WDFY3: variants seen among roughly 807,000 people sequenced by gnomAD.
WDFY3 encodes the protein WD repeat and FYVE domain containing 3, also known as WD repeat and FYVE domain-containing protein 3.
WDFY3 carries 66 observed loss-of-function variants against 409.6 expected under a neutral mutation model. The ratio of observed to expected loss-of-function variants is 0.16; its 90% CI spans 0.13 to 0.20. WDFY3 has a LOEUF of 0.20. Among genes scored for constraint, WDFY3 ranks in the 10% least tolerant of loss-of-function variants. The pLI is 1.00. For synonymous variants in WDFY3, 1,521 were observed against 1,537.1 expected (o/e 0.99, Z 0.25); for missense variants, 3,031 against 4,298.1 (o/e 0.71, Z 8.24).
intron 5 of WDFY3, among the ~76,000 whole-genome samples, chr4:84,845,370 T>C (rs191025855): frequency 1.1e-4 from 17 of 152,248 alleles, no homozygotes; most frequent in Admixed American, 1.1e-3. Context: ...TCTAAAGTAG[T>C]CCAACTTACA....
chr4:84,806,985 C>T (rs1465564354), intron 15 of WDFY3, among the ~76,000 whole-genome samples: 1 of 152,078 alleles, frequency 6.6e-6, no homozygotes, highest in Non-Finnish European at 1.5e-5. Context: ...TTAAAAAGGA[C>T]TAAATGTTTT....
intron 39 of WDFY3, among the ~76,000 whole-genome samples, chr4:84,739,771 G>A (rs1011537136): frequency 1.3e-5 from 2 of 152,116 alleles, no homozygotes; most frequent in Admixed American, 1.3e-4. Context: ...TTTTGTCCCA[G>A]CCCCTAATTC....
At chr4:84,847,562 A>C (rs6857555) in intron 5 of WDFY3, among the ~76,000 whole-genome samples, 60,419 of 145,762 alleles carry the variant, frequency 0.41, 12,886 homozygotes, top group East Asian at 0.49. Flanking sequence ...GTCAGGAGAT[A>C]GAGACCATCC....
intron 1 of WDFY3, among the ~76,000 whole-genome samples, chr4:84,950,690 T>C (rs1272114182): frequency 2.6e-5 from 4 of 152,160 alleles, no homozygotes; most frequent in Non-Finnish European, 5.9e-5. Flanking sequence ...CTTGGGAGGC[T>C]GAGGCAGGAG....
In WDFY3 at chr4:84,757,085, A is replaced by G; in HGVS notation, c.5265T>C (p.Gly1755=). The G allele has an allele frequency of 6.2e-7, 1 of 1,613,990 alleles. No individual in the cohort carries two copies. Among genetic ancestry groups the G allele is most frequent in the Non-Finnish European group, 8.5e-7 (1 of 1,179,940 alleles). ...EINRDACHFP[G]FPVLQSFLPK... ...GAAGGAATGACTGAAGGACTGGAAA[A>G]CCAGGAAAATGACAAGCATCTCGGT... The change falls in exon 33 of 68, where the codon GGT becomes GGC. Residue 1755 remains glycine, a synonymous_variant. Transcript: ENST00000295888.
At chr4:84,690,345 CT>C (rs201553705) in intron 61 of WDFY3, among the ~76,000 whole-genome samples, 160 bp downstream of exon 61, 1 of 150,448 alleles carries the variant, frequency 6.6e-6, no homozygotes, top group Admixed American at 6.6e-5. Context: ...TTCTGATTTC[CT>C]TTTTTTTTCA....
chr4:84,924,130 A>G (rs1161500184), intron 2 of WDFY3, among the ~76,000 whole-genome samples: 2 of 152,260 alleles, frequency 1.3e-5, no homozygotes, highest in Non-Finnish European at 2.9e-5. Context: ...GCACAGCCCT[A>G]AGAGATTAAA....
rs952214903 is a variant in WDFY3 at position 84,729,513 on chromosome 4, C to T, written c.7222-2602G>A. ...TTAATAATTATTACTATTTTTATTA[C>T]AATAATTATAGTTGATAAACTATTA... On this transcript the variant is annotated intron_variant, in intron 44 of 67. Transcript: ENST00000295888. 4.0e-5 allele frequency among the ~76,000 whole-genome samples: 6 copies of T among 151,760 alleles called. No individual in the cohort carries two copies. The South Asian group carries it at 1.0e-3, about 26-fold the overall frequency.
chr4:84,716,671 C>A (rs1046587064), intron 49 of WDFY3, among the ~76,000 whole-genome samples: 2 of 151,112 alleles, frequency 1.3e-5, no homozygotes, highest in Admixed American at 6.6e-5. Context: ...TGGTGGCGGG[C>A]GCCTATAGTC....
intron 1 of WDFY3, among the ~76,000 whole-genome samples, chr4:84,961,622 A>C (rs1477297955): frequency 2.6e-5 from 4 of 152,198 alleles, no homozygotes; most frequent in Non-Finnish European, 4.4e-5. Flanking sequence ...TGCAGCCTTC[A>C]TAGTGAGATC....
Position 84,726,880 on chromosome 4 carries a change from GGT to G in WDFY3, c.7251_7252del (p.Pro2418ArgfsTer2). On this transcript the variant is annotated frameshift_variant, in exon 45 of 68. Transcript: ENST00000295888. LOFTEE classifies it high-confidence loss of function. Reference sequence around the variant, plus strand: ...TTTTACCTTTTGAGGAATATCATCGGGTGTCTCAGGCTGTTTACTTGGGATCT... The same window carrying G: ...TTTTACCTTTTGAGGAATATCATCGGGTCTCAGGCTGTTTACTTGGGATCT... 2 of 1,608,224 alleles carry G rather than the reference GGT, an allele frequency of 1.2e-6. No homozygotes were observed. The highest frequency in any genetic ancestry group is 2.2e-5 in the South Asian group (2 of 89,482).
chr4:84,880,237 G>A (rs917708684), intron 3 of WDFY3, among the ~76,000 whole-genome samples: 2 of 152,074 alleles, frequency 1.3e-5, no homozygotes, highest in Non-Finnish European at 2.9e-5. Flanking sequence ...AGAGCGTCCA[G>A]AAAGAATGCA....
intron 1 of WDFY3, among the ~76,000 whole-genome samples, chr4:84,946,630 A>G (rs917226066): frequency 1.3e-5 from 2 of 152,104 alleles, no homozygotes; most frequent in African/African-American, 4.8e-5. Context: ...TTAAGCTACC[A>G]AAGAGTGAGA....
Position 84,789,917 on chromosome 4 carries a change from A to T in WDFY3, c.3488-10T>A, listed in dbSNP as rs1748206877. The T allele has an allele frequency of 6.2e-7, 1 of 1,613,566 alleles. No individual in the cohort carries two copies. Among genetic ancestry groups the T allele is most frequent in the African/African-American group, 1.3e-5 (1 of 74,900 alleles). ...TCACTAAAATCATCAACTGAAATAA[A>T]GGGGGGAAGACATAAAAACTTTTTC... On this transcript the variant is annotated splice_polypyrimidine_tract_variant and intron_variant, in intron 21 of 67. Transcript: ENST00000295888.
At chr4:84,713,986 G>A (rs1380504000) in intron 50 of WDFY3, among the ~76,000 whole-genome samples, 1 of 151,988 alleles carries the variant, frequency 6.6e-6, no homozygotes, top group Non-Finnish European at 1.5e-5. Context: ...GTGTGGTGGT[G>A]CACCTTGATA....
At chr4:84,835,739 C>CA (rs1756478638) in intron 7 of WDFY3, among the ~76,000 whole-genome samples, 1 of 152,186 alleles carries the variant, frequency 6.6e-6, no homozygotes, top group African/African-American at 2.4e-5. Flanking sequence ...GCAACCATTA[C>CA]TCTATACAGC....
chr4:84,680,669 G>A (rs146009666), intron 64 of WDFY3, among the ~76,000 whole-genome samples: 44 of 152,210 alleles, frequency 2.9e-4, no homozygotes, highest in African/African-American at 1.1e-3. Context: ...AAAATATTTG[G>A]GGAAATAAAC....
chr4:84,875,513 T>C (rs916290045), intron 3 of WDFY3, among the ~76,000 whole-genome samples: 1 of 152,178 alleles, frequency 6.6e-6, no homozygotes, highest in Admixed American at 6.5e-5. Flanking sequence ...TAACAAAATA[T>C]GTTTCTTTCT....
intron 58 of WDFY3, among the ~76,000 whole-genome samples, chr4:84,693,852 G>A (rs547259898): frequency 7.3e-4 from 108 of 147,972 alleles, no homozygotes; most frequent in African/African-American, 2.6e-3. Flanking sequence ...CCGAGATTGC[G>A]CCACTGCACT....
Sources: allele counts gnomAD v4.1 joint callset (sites outside exome capture counted in the v4.1 genomes callset), GRCh38; gene constraint gnomAD v4.1.1; transcripts MANE v1.5; gene names NCBI Gene and HGNC (gene_info 2026-07-23, HGNC 2026-07-21).